Variants in EFHC2 observed in about 807,000 individuals in gnomAD.
The protein encoded by EFHC2 is EF-hand domain-containing family member C2.
Under a neutral mutation model 52.7 loss-of-function variants are expected in EFHC2, and 18 were observed. That is an observed-to-expected ratio of 0.34 (90% confidence interval 0.24 to 0.51). The LOEUF is 0.51. EFHC2 is among the 20% of genes least tolerant of loss of function. EFHC2 has a pLI of 0.97. For synonymous variants in EFHC2, 203 were observed against 204.1 expected, an observed-to-expected ratio of 0.99 and a Z score of 0.04; for missense variants, 513 against 562.5, an observed-to-expected ratio of 0.91 and a Z score of 0.89.
chrX:44,262,080 C>T (rs777322345), intron 3 of EFHC2, among the ~76,000 whole-genome samples: 36 of 111,019 alleles, frequency 3.2e-4, no homozygotes, highest in Non-Finnish European at 6.8e-4. Flanking sequence ...CAGGGTCCCA[C>T]GTATATCCAA....
Position 44,223,597 on chromosome X carries a change from C to T in EFHC2, c.1751+6052G>A, listed in dbSNP as rs544655826. On this transcript the variant is annotated intron_variant, in intron 11 of 14. Coordinates refer to ENST00000420999, the MANE Select transcript of EFHC2 (RefSeq NM_025184.4). ...CACCACCACCAGACAGTGACAGAAT[C>T]AAATCAAAGATCTCCATCTTTTTGA... 2.5e-3 allele frequency among the ~76,000 whole-genome samples: 274 copies of T among 111,433 alleles called. 2 individuals carry two copies. The highest frequency in any genetic ancestry group is 8.7e-3 in the African/African-American group (266 of 30,633).
chrX:44,214,932 T>C (rs2037132256), intron 11 of EFHC2, among the ~76,000 whole-genome samples: 1 of 111,840 alleles, frequency 8.9e-6, no homozygotes, highest in African/African-American at 3.2e-5. Context: ...TTTGGTTCTG[T>C]GTCCCCACCC....
At chrX:44,338,910 G>A (rs1391958741) in intron 1 of EFHC2, among the ~76,000 whole-genome samples, 1 of 111,751 alleles carries the variant, frequency 8.9e-6, no homozygotes, top group East Asian at 2.8e-4. Context: ...AGAAAGAGCG[G>A]CCAGGCGCGG....
At chrX:44,291,270 G>A (rs1013012511) in intron 2 of EFHC2, among the ~76,000 whole-genome samples, 2 of 110,990 alleles carry the variant, frequency 1.8e-5, no homozygotes, top group Non-Finnish European at 3.8e-5. Context: ...TGTTTATATA[G>A]GCGTATCTTA....
intron 2 of EFHC2, among the ~76,000 whole-genome samples, chrX:44,287,054 AG>A (rs1320708217): frequency 7.5e-5 from 7 of 93,061 alleles, no homozygotes; most frequent in East Asian, 3.4e-4. Context: ...AAAAAAAAAA[AG>A]TTTTTTAATG....
At chrX:44,263,236 T>A (rs1166962834) in intron 3 of EFHC2, among the ~76,000 whole-genome samples, 2 of 112,574 alleles carry the variant, frequency 1.8e-5, no homozygotes, top group African/African-American at 6.4e-5. Flanking sequence ...GGAGGTATTT[T>A]AATATAAAGA....
At chrX:44,297,533 G>A (rs1043840267) in intron 2 of EFHC2, among the ~76,000 whole-genome samples, 1 of 109,404 alleles carries the variant, frequency 9.1e-6, no homozygotes, top group Non-Finnish European at 1.9e-5. Flanking sequence ...AGACCAGCCT[G>A]ACCAACATGG....
intron 14 of EFHC2, among the ~76,000 whole-genome samples, chrX:44,150,517 C>G (rs1005683928): frequency 8.9e-6 from 1 of 111,794 alleles, no homozygotes; most frequent in Non-Finnish European, 1.9e-5. Context: ...TAGGGGAAGT[C>G]ACTGGTAGGT....
intron 2 of EFHC2, among the ~76,000 whole-genome samples, chrX:44,308,449 A>C (rs2037922287): frequency 8.9e-6 from 1 of 111,895 alleles, no homozygotes; most frequent in Admixed American, 9.5e-5. Context: ...ACTCTTCAAT[A>C]GTTTTTTCTT....
chrX:44,343,282 A>G (rs1039108111), intron 1 of EFHC2, among the ~76,000 whole-genome samples: 13 of 111,788 alleles, frequency 1.2e-4, no homozygotes, highest in African/African-American at 3.9e-4. Flanking sequence ...TAAACCCCCA[A>G]TGGTTATCGT....
intron 3 of EFHC2, among the ~76,000 whole-genome samples, chrX:44,264,399 C>T (rs961413432): frequency 3.6e-5 from 4 of 112,121 alleles, no homozygotes; most frequent in Admixed American, 2.8e-4. Flanking sequence ...TATGGCAATG[C>T]ACCCTGCAGG....
intron 1 of EFHC2, among the ~76,000 whole-genome samples, chrX:44,338,642 G>A (rs1478494908): frequency 2.8e-5 from 3 of 107,710 alleles, no homozygotes; most frequent in African/African-American, 1.0e-4. Flanking sequence ...GGACAAAAAG[G>A]TCCGTGCAAC....
rs1422900072 is a variant in EFHC2, at chrX:44,218,189, G to A, written c.1751+11460C>T. On this transcript the variant is annotated intron_variant, in intron 11 of 14. Coordinates refer to ENST00000420999, the MANE Select transcript of EFHC2 (RefSeq NM_025184.4). Reference sequence around the variant, plus strand: ...GATCATTGGTATCCAGCATTCCTCAGTTAACTAAGATATTATTTTAGTGAG... The same window carrying A: ...GATCATTGGTATCCAGCATTCCTCAATTAACTAAGATATTATTTTAGTGAG... Among the ~76,000 whole-genome samples, 4 of 111,268 alleles carry A rather than the reference G, an allele frequency of 3.6e-5. No individual in the cohort carries two copies. In the East Asian group the frequency reaches 1.1e-3, roughly 31 times the overall value.
intron 1 of EFHC2, among the ~76,000 whole-genome samples, chrX:44,322,418 T>G (rs1007679215): frequency 1.8e-5 from 2 of 112,240 alleles, no homozygotes. Flanking sequence ...TGTCAGCTGA[T>G]CTTTCCCTGT....
chrX:44,225,357 A>G (rs1281127993), intron 11 of EFHC2, among the ~76,000 whole-genome samples: 1 of 111,190 alleles, frequency 9.0e-6, no homozygotes, highest in Non-Finnish European at 1.9e-5. Context: ...AGAGGCCCAC[A>G]CATTAATCCA....
At chrX:44,252,979 G>T (rs1340613222) in intron 4 of EFHC2, among the ~76,000 whole-genome samples, 5 of 111,089 alleles carry the variant, frequency 4.5e-5, no homozygotes, top group Non-Finnish European at 9.4e-5. Flanking sequence ...AGCCCACGGA[G>T]GGCGAGCTGA....
At chrX:44,282,497 T>C (rs1332252380) in intron 2 of EFHC2, among the ~76,000 whole-genome samples, 1 of 96,217 alleles carries the variant, frequency 1.0e-5, no homozygotes, top group East Asian at 3.4e-4. Flanking sequence ...GAGCCTGTAG[T>C]CCCAGCTACT....
intron 11 of EFHC2, among the ~76,000 whole-genome samples, chrX:44,215,316 T>G (rs761936575): frequency 9.0e-6 from 1 of 111,432 alleles, no homozygotes; most frequent in East Asian, 2.8e-4. Flanking sequence ...GTTGTAAATG[T>G]ATATTGCAAA....
At chrX:44,149,720 C>A (rs1054505697) in intron 14 of EFHC2, among the ~76,000 whole-genome samples, 10 of 111,190 alleles carry the variant, frequency 9.0e-5, no homozygotes, top group African/African-American at 3.3e-4. Context: ...GCCATATAGG[C>A]CGGACTGGTC....
Sources: gnomAD v4.1 joint callset for allele counts (sites outside exome capture counted in the v4.1 genomes callset) on GRCh38, gnomAD v4.1.1 for gene constraint, MANE v1.5 for transcripts, NCBI Gene and HGNC (gene_info 2026-07-23, HGNC 2026-07-21) for gene names.